Variants in MAD1L1 observed in about 807,000 individuals in gnomAD.
MAD1L1 encodes the protein mitotic arrest deficient 1 like 1.
Under a neutral mutation model 96.9 loss-of-function variants are expected in MAD1L1, and 95 were observed. The observed-to-expected ratio is 0.98, with a 90% CI of 0.83 to 1.16. MAD1L1 has a LOEUF of 1.16. Among genes scored for constraint, MAD1L1 ranks in the 50% most tolerant of loss-of-function variants. MAD1L1 has a pLI of 0.00. For synonymous variants in MAD1L1, 473 were observed against 396.6 expected (o/e 1.19, Z -2.29); for missense variants, 1,007 against 954.4 (o/e 1.06, Z -0.73).
At chr7:1,886,183 G>A (rs1045630645) in intron 18 of MAD1L1, among the ~76,000 whole-genome samples, 2 of 152,234 alleles carry the variant, frequency 1.3e-5, no homozygotes, top group African/African-American at 2.4e-5. Flanking sequence ...GGCCTGGAAT[G>A]GCACAGGGCT....
At chr7:2,179,832 G>A (rs577322698) in intron 10 of MAD1L1, among the ~76,000 whole-genome samples, 9 of 152,056 alleles carry the variant, frequency 5.9e-5, no homozygotes, top group Admixed American at 2.6e-4. Context: ...TTAGCTGGGC[G>A]TGGTGGCAGG....
At chr7:1,906,796 G>C (rs1309214574) in intron 17 of MAD1L1, among the ~76,000 whole-genome samples, 2 of 152,242 alleles carry the variant, frequency 1.3e-5, no homozygotes, top group African/African-American at 2.4e-5. Flanking sequence ...CTACAGACCT[G>C]AGCTCCTGCC....
chr7:1,886,444 C>T (rs556092962), intron 18 of MAD1L1, among the ~76,000 whole-genome samples: 5 of 152,362 alleles, frequency 3.3e-5, no homozygotes, highest in East Asian at 1.9e-4. Context: ...TGTGTCAACA[C>T]GCCCCAGCTA....
At chr7:1,936,147 G>A (rs1489816002) in intron 17 of MAD1L1, among the ~76,000 whole-genome samples, 1 of 152,218 alleles carries the variant, frequency 6.6e-6, no homozygotes, top group Non-Finnish European at 1.5e-5. Flanking sequence ...GCTTGGCGTG[G>A]GCAGACCCCA....
chr7:1,816,363 C>A (rs1781806669), intron 18 of MAD1L1, 135 bp from the exon 19 acceptor site: 1 of 782,114 alleles, frequency 1.3e-6, no homozygotes, highest in Non-Finnish European at 2.1e-6. Flanking sequence ...GTAGATGCGT[C>A]CTCAACCCTG....
chr7:2,182,645 G>A (rs906675229), intron 10 of MAD1L1, among the ~76,000 whole-genome samples: 30 of 152,294 alleles, frequency 2.0e-4, no homozygotes, highest in Non-Finnish European at 3.5e-4. Context: ...GGAAGGGAGC[G>A]CTGATCCGTG....
chr7:2,011,084 T>C (rs1782279091), intron 13 of MAD1L1, among the ~76,000 whole-genome samples: 1 of 151,960 alleles, frequency 6.6e-6, no homozygotes, highest in Admixed American at 6.6e-5. Context: ...GGGGAGCACC[T>C]GGGCTCTGTG....
At chr7:2,084,867 C>T (rs978406939) in intron 11 of MAD1L1, among the ~76,000 whole-genome samples, 14 of 152,170 alleles carry the variant, frequency 9.2e-5, no homozygotes, top group South Asian at 2.1e-4. Context: ...GAAGAGCCTG[C>T]GACTCTGTAG....
intron 12 of MAD1L1, among the ~76,000 whole-genome samples, chr7:2,045,842 G>T (rs1441869548): frequency 1.3e-5 from 2 of 152,178 alleles, no homozygotes; most frequent in Admixed American, 1.3e-4. Context: ...AAGCCTCGGA[G>T]CACATGGTGA....
At position 2,069,076 on chromosome 7, in the gene MAD1L1, A is replaced by G. The variant is rs373524487; in HGVS notation, c.1218+118T>C. 163 of 1,358,440 alleles carry G rather than the reference A, an allele frequency of 1.2e-4. No individual in the cohort carries two copies. The African/African-American group carries it at 2.1e-3, about 17-fold the overall frequency. The allele number at this position is 1,358,440 out of a possible 1,614,324, so 84.1% of individuals were successfully genotyped here. Reference sequence around the variant, plus strand: ...AACCCTCCTGGCAACCCAGGGCCAAAGTGCCAACCCTGACCCGGCTGCAGC... The same window carrying G: ...AACCCTCCTGGCAACCCAGGGCCAAGGTGCCAACCCTGACCCGGCTGCAGC... On this transcript the variant is annotated intron_variant, in intron 12 of 18. Coordinates refer to ENST00000265854, the MANE Select transcript of MAD1L1 (RefSeq NM_001013836.2).
chr7:2,015,666 G>C (rs1467166924), intron 12 of MAD1L1, among the ~76,000 whole-genome samples: 1 of 152,222 alleles, frequency 6.6e-6, no homozygotes, highest in Non-Finnish European at 1.5e-5. Flanking sequence ...AGTCTGGATG[G>C]AGCAGATTCC....
intron 12 of MAD1L1, among the ~76,000 whole-genome samples, chr7:2,031,244 TC>T (rs1288067165): frequency 6.6e-6 from 1 of 152,050 alleles, no homozygotes; most frequent in Admixed American, 6.5e-5. Context: ...CACGCTCCCT[TC>T]CCTGCCCCAC....
At chr7:2,179,058 G>A (rs1262818447) in intron 10 of MAD1L1, among the ~76,000 whole-genome samples, 17 of 152,172 alleles carry the variant, frequency 1.1e-4, no homozygotes, top group Admixed American at 1.1e-3. Context: ...AAAAGCAACA[G>A]AAGAGTGACT....
intron 13 of MAD1L1, among the ~76,000 whole-genome samples, chr7:2,003,828 C>A (rs1781911577): frequency 6.6e-6 from 1 of 152,206 alleles, no homozygotes. Flanking sequence ...GGACCCCACA[C>A]TGGAAAGCTT....
intron 12 of MAD1L1, among the ~76,000 whole-genome samples, chr7:2,028,151 C>T (rs1354198960): frequency 7.2e-5 from 11 of 152,046 alleles, no homozygotes; most frequent in African/African-American, 1.9e-4. Flanking sequence ...TAAGGCCGGG[C>T]GCGGTGACTC....
chr7:1,913,677 G>C (rs987247252), intron 17 of MAD1L1, among the ~76,000 whole-genome samples: 1 of 152,090 alleles, frequency 6.6e-6, no homozygotes, highest in Non-Finnish European at 1.5e-5. Flanking sequence ...ATGGGGGGAG[G>C]GAGAGCAGCC....
chr7:1,817,089 A>G (rs543208943), intron 18 of MAD1L1: 2 of 152,406 alleles, frequency 1.3e-5, no homozygotes, highest in South Asian at 4.2e-4. Context: ...ACACACGGCC[A>G]ATGAGCTCAT....
intron 12 of MAD1L1, among the ~76,000 whole-genome samples, chr7:2,052,305 G>A (rs186942982): frequency 2.2e-4 from 33 of 152,334 alleles, no homozygotes; most frequent in African/African-American, 4.8e-4. Context: ...AGGCAGCGGC[G>A]TAGTAGGAGC....
chr7:2,212,187 A>C (rs1344841964), intron 10 of MAD1L1, among the ~76,000 whole-genome samples: 1 of 152,214 alleles, frequency 6.6e-6, no homozygotes, highest in African/African-American at 2.4e-5. Flanking sequence ...ATGGGGCAGG[A>C]GGACAGACAG....
Sources: allele counts gnomAD v4.1 joint callset (sites outside exome capture counted in the v4.1 genomes callset), GRCh38; gene constraint gnomAD v4.1.1; transcripts MANE v1.5; gene names NCBI Gene and HGNC (gene_info 2026-07-23, HGNC 2026-07-21).